The following PPP1R11 variants were observed in gnomAD, a reference collection of about 807,000 sequenced individuals.
PPP1R11 encodes protein phosphatase 1 regulatory inhibitor subunit 11, also known as E3 ubiquitin-protein ligase PPP1R11.
A neutral mutation model predicts 11.3 loss-of-function variants in PPP1R11; 10 were observed. The ratio of observed to expected loss-of-function variants is 0.88; its 90% CI spans 0.55 to 1.50. The LOEUF is 1.50. Among genes scored for constraint, PPP1R11 ranks in the 40% most tolerant of loss-of-function variants. The pLI is 0.00. For synonymous variants in PPP1R11, 56 were observed against 62.3 expected (o/e 0.90, Z 0.48); for missense variants, 114 against 179.1 (o/e 0.64, Z 2.07).
upstream of PPP1R11, among the ~76,000 whole-genome samples, chr6:30,062,728 T>G (rs369319005): frequency 8.6e-5 from 10 of 116,632 alleles, no homozygotes; most frequent in South Asian, 2.8e-4. Context: ...TTTTTTTTTT[T>G]TTTTTTTTTT....
Position 30,068,484 on chromosome 6 carries a change from T to A in PPP1R11, c.70-106T>A. ...GTCAGCTCCTCTGGTGCTATGCCTA[T>A]GGTACTGATTGAGCTAAAGAAGAAA... On this transcript the variant is annotated intron_variant, in intron 1 of 2. Transcript: ENST00000376772. 3.6e-6 allele frequency: 3 copies of A among 833,600 alleles called. No individual in the cohort carries two copies. In the South Asian group the frequency reaches 4.8e-5, roughly 13 times the overall value. The allele number at this position is 833,600 out of a possible 1,614,324, so 51.6% of individuals were successfully genotyped here. A position where few individuals can be genotyped will look rare whatever the true frequency, so the allele number is the denominator to read the frequency against.
At position 30,069,208 on chromosome 6, in the gene PPP1R11, C is replaced by T. The variant is rs181546140; in HGVS notation, c.283C>T (p.Arg95Cys). The T allele has an allele frequency of 1.7e-5, 27 of 1,612,902 alleles. No homozygotes were observed. Among genetic ancestry groups the T allele is most frequent in the African/African-American group, 9.3e-5 (7 of 74,994 alleles). Residue 95 changes from arginine (R) to cysteine (C), a missense_variant, in exon 3 of 3, where the codon CGC (arginine) becomes TGC (cysteine). By Grantham distance (180) the Arg-to-Cys change is radical. Coordinates refer to ENST00000376772, the MANE Select transcript of PPP1R11 (RefSeq NM_021959.3). This position sits in a 1 kb window ranked among gnomAD's most constrained non-coding sequence, Gnocchi z 6.6. The part of the protein sequence containing the change: ...CGHTHCVRGH[R>C]KGRRRATLGP... ...TCATACACACTGTGTACGTGGCCAC[C>T]GCAAAGGACGGCGTCGTGCAACCCT...
At chr6:30,067,660 A>G (rs565268017) in intron 1 of PPP1R11, 181 bp downstream of exon 1, 500 of 717,862 alleles carry the variant, frequency 7.0e-4, no homozygotes, top group Non-Finnish European at 8.2e-4. Flanking sequence ...GAGATGGTGC[A>G]GGAGGCAGGT....
intron 1 of PPP1R11, chr6:30,067,708 G>A (rs9261283): frequency 0.035 from 17,908 of 512,806 alleles, 379 homozygotes; most frequent in Middle Eastern, 0.048. Flanking sequence ...TTAGGATATA[G>A]GTGTTGCTGC....
At chr6:30,068,956 G>A (rs1765731214) in intron 2 of PPP1R11, 148 bp from the exon 3 acceptor site, 1 of 828,662 alleles carries the variant, frequency 1.2e-6, no homozygotes, top group Non-Finnish European at 1.9e-6. Flanking sequence ...AGAGGGGTGG[G>A]GCCTGAGTCC....
At chr6:30,061,328 AAGTCCTTT>A in the PPP1R11 span, 1 of 572,234 alleles carries the variant, frequency 1.7e-6, no homozygotes, top group Non-Finnish European at 3.0e-6. This position sits in a 1 kb window ranked among gnomAD's most constrained non-coding sequence, Gnocchi z 5.0. Context: ...AAAGGGTTCC[AAGTCCTTT>A]AGTACCCGAC....
chr6:30,063,314 T>C (rs9261277), upstream of PPP1R11, among the ~76,000 whole-genome samples: 22,539 of 152,066 alleles, frequency 0.15, 2,235 homozygotes, highest in African/African-American at 0.27. The surrounding 1 kb of genome is among the most constrained non-coding windows in gnomAD (Gnocchi z 4.1). Flanking sequence ...TATTTTCAAT[T>C]GCTGTTCTCT....
intron 2 of PPP1R11, 73 bp downstream of exon 2, chr6:30,068,771 C>A: frequency 7.5e-7 from 1 of 1,330,594 alleles, no homozygotes; most frequent in South Asian, 1.3e-5. Context: ...TACTCATATC[C>A]ACTGGCTTTC....
chr6:30,069,084 G>C lies in PPP1R11; in HGVS notation c.179-20G>C. 1.3e-6 allele frequency: 2 copies of C among 1,563,920 alleles called. No homozygotes were observed. Among genetic ancestry groups the C allele is most frequent in the Non-Finnish European group, 1.8e-6 (2 of 1,136,498 alleles). On this transcript the variant is annotated intron_variant, in intron 2 of 2. Coordinates refer to ENST00000376772, the MANE Select transcript of PPP1R11 (RefSeq NM_021959.3). This position sits in a 1 kb window ranked among gnomAD's most constrained non-coding sequence, Gnocchi z 6.6. ...CTTACCCTTCCTCCTCTTTAACTGG[G>C]CTCCTCCCTCTAAATCTAGGCTGCT...
chr6:30,068,155 G>T (rs987709131), intron 1 of PPP1R11: 1 of 155,108 alleles, frequency 6.4e-6, no homozygotes, highest in African/African-American at 2.4e-5. Context: ...TGGAGCTTGA[G>T]AATGAGAGAG....
At chr6:30,065,545 G>A (rs1435093319), upstream of PPP1R11, among the ~76,000 whole-genome samples, 1 of 151,324 alleles carries the variant, frequency 6.6e-6, no homozygotes, top group Non-Finnish European at 1.5e-5. The surrounding 1 kb of genome is among the most constrained non-coding windows in gnomAD (Gnocchi z 5.3). Context: ...GTTAATCAAC[G>A]GTTTATGTTA....
chr6:30,069,172 G>C lies in PPP1R11; in HGVS notation c.247G>C (p.Glu83Gln), dbSNP rs762989230. 6.2e-7 allele frequency: 1 copy of C among 1,612,784 alleles called. No individual in the cohort carries two copies. The highest frequency in any genetic ancestry group is 8.5e-7 in the Non-Finnish European group (1 of 1,179,762). Residue 83 changes from glutamate to glutamine, a missense_variant, in exon 3 of 3, where the codon GAG becomes CAG. Transcript: ENST00000376772. This position sits in a 1 kb window ranked among gnomAD's most constrained non-coding sequence, Gnocchi z 6.6. ...CACGGAAAGTGATGAGGAGGAAGAA[G>C]AGGGCTGTGGTCATACACACTGTGT... Reference protein sequence around the residue: ...SSTESDEEEEEGCGHTHCVRG... With the variant: ...SSTESDEEEEQGCGHTHCVRG...
At chr6:30,067,614 G>A in intron 1 of PPP1R11, 135 bp downstream of exon 1, 1 of 1,146,350 alleles carries the variant, frequency 8.7e-7, no homozygotes. Flanking sequence ...CTAGGGCTGG[G>A]AGAATCGGAA....
At position 30,069,406 on chromosome 6, in the gene PPP1R11, G is replaced by T; in HGVS notation, c.*100G>T. ...CCTTCCCTCTCTTCTGCCTGATAGA[G>T]GGAAGAGGAAGAGGAGGACGAACAG... is the stretch of plus-strand genomic sequence containing the variant. On this transcript the variant is annotated 3_prime_UTR_variant, in exon 3 of 3. Coordinates refer to ENST00000376772, the MANE Select transcript of PPP1R11 (RefSeq NM_021959.3). This position sits in a 1 kb window ranked among gnomAD's most constrained non-coding sequence, Gnocchi z 6.6. 1 of 994,032 alleles carries T rather than the reference G, an allele frequency of 1.0e-6. No homozygotes were observed. The highest frequency in any genetic ancestry group is 2.6e-5 in the East Asian group (1 of 38,868). The allele number at this position is 994,032 out of a possible 1,614,324, so 61.6% of individuals were successfully genotyped here. A position where few individuals can be genotyped will look rare whatever the true frequency, so the allele number is the denominator to read the frequency against.
chr6:30,064,595 A>G (rs1007285032), upstream of PPP1R11: 17 of 1,347,870 alleles, frequency 1.3e-5, no homozygotes, highest in African/African-American at 1.9e-4. Context: ...TTCCTTGATT[A>G]TTTGATTGCA....
At chr6:30,068,792 C>A in intron 2 of PPP1R11, 94 bp downstream of exon 2, 2 of 1,135,774 alleles carry the variant, frequency 1.8e-6, no homozygotes, top group Non-Finnish European at 2.5e-6. Flanking sequence ...CAGAAGCCCC[C>A]AGATGTTCAT....
upstream of PPP1R11, chr6:30,064,981 AAAAAG>A (rs1561967893): frequency 8.9e-6 from 3 of 338,442 alleles, no homozygotes; most frequent in East Asian, 1.4e-4. Flanking sequence ...TATTTATATG[AAAAAG>A]AAAAGGGGGA....
upstream of PPP1R11, chr6:30,062,192 C>T (rs1225337706): frequency 4.5e-6 from 7 of 1,562,600 alleles, no homozygotes; most frequent in Non-Finnish European, 6.2e-6. Flanking sequence ...GGGATATGAC[C>T]AGGCCTCCCT....
chr6:30,066,888 G>C (rs1174699661), upstream of PPP1R11: 1 of 154,954 alleles, frequency 6.5e-6, no homozygotes, highest in Non-Finnish European at 1.4e-5. Context: ...ACCCAGACAA[G>C]GCAAACGGAA....
Sources: allele counts gnomAD v4.1 joint callset (sites outside exome capture counted in the v4.1 genomes callset), GRCh38; gene constraint gnomAD v4.1.1; non-coding constraint Gnocchi (gnomAD v3.1); transcripts MANE v1.5; gene names NCBI Gene and HGNC (gene_info 2026-07-23, HGNC 2026-07-21).